Variants in ST8SIA6 observed in about 807,000 individuals in gnomAD.
ST8SIA6 encodes ST8 alpha-N-acetyl-neuraminide alpha-2,8-sialyltransferase 6, also known as alpha-2,8-sialyltransferase 8F.
ST8SIA6 carries 39 observed loss-of-function variants against 33.6 expected under a neutral mutation model. The ratio of observed to expected loss-of-function variants is 1.16; its 90% CI spans 0.90 to 1.52. ST8SIA6 has a LOEUF of 1.52. ST8SIA6 is among the 40% of genes most tolerant of loss of function. The probability of loss-of-function intolerance (pLI) is 0.00; values close to 1 mark genes in which losing one functional copy is unlikely to be tolerated. For missense variants in ST8SIA6, 441 were observed against 443.8 expected, an observed-to-expected ratio of 0.99 and a Z score of 0.06; for synonymous variants, 172 against 167.2, an observed-to-expected ratio of 1.03 and a Z score of -0.22.
chr10:17,363,290 A>ATGTGTG (rs79432164), intron 3 of ST8SIA6, among the ~76,000 whole-genome samples: 327 of 150,886 alleles, frequency 2.2e-3, no homozygotes, highest in Non-Finnish European at 3.6e-3. Flanking sequence ...AGGCATGCAT[A>ATGTGTG]TGTGTGTGTG....
chr10:17,410,106 A>G (rs527943035), intron 2 of ST8SIA6: 5 of 152,232 alleles, frequency 3.3e-5, no homozygotes, highest in Admixed American at 6.5e-5. Flanking sequence ...TTAACATTCA[A>G]AACTGGAGAG....
chr10:17,453,586 G>T lies in ST8SIA6; in HGVS notation c.173C>A (p.Ala58Glu), dbSNP rs779451125. The change falls in exon 2 of 8, where the codon GCG (alanine) becomes GAG (glutamate). Residue 58 changes from alanine (A) to glutamate (E), a missense_variant. Transcript: ENST00000377602. ...PAALRTLRSPATAVPRATNST... is the reference protein window; with the variant it reads ...PAALRTLRSPETAVPRATNST... ...GTTAGTGGCGCGCGGTACCGCGGTC[G>T]CCGGGCTCCGGAGCGTCCTCAGCGC... The T allele has an allele frequency of 9.0e-6, 12 of 1,327,230 alleles. No homozygotes were observed. The East Asian group carries it at 3.4e-4, about 38-fold the overall frequency. 82.2% of individuals were successfully genotyped at this position (1,327,230 alleles called of 1,614,324 possible).
chr10:17,366,068 C>T (rs776809209), intron 3 of ST8SIA6, among the ~76,000 whole-genome samples: 9 of 152,068 alleles, frequency 5.9e-5, no homozygotes, highest in Non-Finnish European at 1.2e-4. Context: ...CTGGGTAATA[C>T]TCTTTAAAGG....
intron 2 of ST8SIA6, among the ~76,000 whole-genome samples, chr10:17,414,359 A>G (rs1364921139): frequency 2.0e-5 from 3 of 152,096 alleles, no homozygotes; most frequent in Admixed American, 6.6e-5. Context: ...CCAACCTCCC[A>G]TATCCCCACC....
intron 3 of ST8SIA6, among the ~76,000 whole-genome samples, chr10:17,364,527 C>T (rs555367329): frequency 2.4e-4 from 37 of 152,288 alleles, no homozygotes; most frequent in Admixed American, 2.4e-3. Flanking sequence ...GCCTTATCCT[C>T]TGACGTTATA....
intron 2 of ST8SIA6, among the ~76,000 whole-genome samples, chr10:17,399,997 T>C (rs751039649): frequency 6.6e-6 from 1 of 151,656 alleles, no homozygotes; most frequent in African/African-American, 2.4e-5. Flanking sequence ...ATTTTACTCA[T>C]AATGAGGGAA....
chr10:17,325,771 A>G (rs1848112495), intron 6 of ST8SIA6, among the ~76,000 whole-genome samples: 1 of 152,194 alleles, frequency 6.6e-6, no homozygotes, highest in South Asian at 2.1e-4. Flanking sequence ...ATATTCGGGA[A>G]AATACCTCTC....
chr10:17,370,336 T>C (rs1219180187), intron 3 of ST8SIA6, among the ~76,000 whole-genome samples: 2 of 152,204 alleles, frequency 1.3e-5, no homozygotes, highest in African/African-American at 4.8e-5. Flanking sequence ...TTTAATGTTG[T>C]TATTTATATA....
At chr10:17,326,991 G>C in intron 6 of ST8SIA6, 23 bp downstream of exon 6, 1 of 1,538,586 alleles carries the variant, frequency 6.5e-7, no homozygotes, top group Non-Finnish European at 8.9e-7. Context: ...TTGTTTCAAA[G>C]AAACCAATTT....
intron 2 of ST8SIA6, among the ~76,000 whole-genome samples, chr10:17,399,917 CAAAAAA>C (rs61580333): frequency 9.0e-6 from 1 of 111,082 alleles, no homozygotes; most frequent in Non-Finnish European, 2.0e-5. Flanking sequence ...GATTCTGTCT[CAAAAAA>C]AAAAAAAAAA....
At position 17,325,284 on chromosome 10, in the gene ST8SIA6, T is replaced by C. The variant is rs1294350606; in HGVS notation, c.635+1730A>G. Among the ~76,000 whole-genome samples, 26 of 145,344 alleles carry C rather than the reference T, an allele frequency of 1.8e-4. No individual in the cohort carries two copies. The Admixed American group carries it at 1.8e-3, about 10-fold the overall frequency. On this transcript the variant is annotated intron_variant, in intron 6 of 7. Transcript: ENST00000377602. ...ATATACTATACAATGTACAATATATTACATACTATCTATAACACAGTATTA... is the reference window on the plus strand; with the variant it reads ...ATATACTATACAATGTACAATATATCACATACTATCTATAACACAGTATTA...
chr10:17,348,749 C>G (rs1256785533), intron 4 of ST8SIA6, among the ~76,000 whole-genome samples: 1 of 152,164 alleles, frequency 6.6e-6, no homozygotes, highest in Non-Finnish European at 1.5e-5. Flanking sequence ...TTTGCCTGGC[C>G]TCTGGGAACT....
rs559873381 is a variant in ST8SIA6, at chr10:17,451,307, C to T, written c.200+2252G>A. 5.3e-5 allele frequency among the ~76,000 whole-genome samples: 8 copies of T among 152,276 alleles called. No homozygotes were observed. The South Asian group carries it at 1.5e-3, about 28-fold the overall frequency. ...AAGGGAACTGGAGGCCATTCTCTTACATGAAATAACTCAGAAAGTCAAATA... is the reference window on the plus strand; with the variant it reads ...AAGGGAACTGGAGGCCATTCTCTTATATGAAATAACTCAGAAAGTCAAATA... On this transcript the variant is annotated intron_variant, in intron 2 of 7. Transcript: ENST00000377602.
chr10:17,357,738 C>G (rs770614785), intron 4 of ST8SIA6, among the ~76,000 whole-genome samples: 1 of 152,132 alleles, frequency 6.6e-6, no homozygotes, highest in South Asian at 2.1e-4. Flanking sequence ...TCTCAAGAGG[C>G]TTGGTCTGAA....
intron 2 of ST8SIA6, among the ~76,000 whole-genome samples, chr10:17,428,799 T>A (rs137946354): frequency 7.2e-5 from 11 of 152,276 alleles, no homozygotes; most frequent in African/African-American, 2.6e-4. Context: ...GAAGGCATGG[T>A]CAAATTCGAG....
intron 2 of ST8SIA6, among the ~76,000 whole-genome samples, chr10:17,433,208 A>G (rs75067770): frequency 4.6e-5 from 7 of 152,294 alleles, no homozygotes; most frequent in Middle Eastern, 6.8e-3. Flanking sequence ...AATAACCTGT[A>G]CCTTTCCTCA....
intron 4 of ST8SIA6, among the ~76,000 whole-genome samples, chr10:17,337,021 G>A (rs1031815974): frequency 6.6e-6 from 1 of 152,110 alleles, no homozygotes; most frequent in Non-Finnish European, 1.5e-5. Flanking sequence ...TTGTAATCCC[G>A]TGTTGGAGGA....
rs151071448 is a variant in ST8SIA6 at position 17,376,395 on chromosome 10, G to A, written c.290+14136C>T. ...ACTTCCGAGAGCTTTTATTAGAGCAGTGTGTCTACTCTAACCAAATGGTAG... is the reference window on the plus strand; with the variant it reads ...ACTTCCGAGAGCTTTTATTAGAGCAATGTGTCTACTCTAACCAAATGGTAG... On this transcript the variant is annotated intron_variant, in intron 3 of 7. Coordinates refer to ENST00000377602, the MANE Select transcript of ST8SIA6 (RefSeq NM_001004470.3). Among the ~76,000 whole-genome samples, 113 of 152,202 alleles carry A rather than the reference G, an allele frequency of 7.4e-4. No individual in the cohort carries two copies. In the East Asian group the frequency reaches 0.021, roughly 28 times the overall value.
chr10:17,327,440 A>T (rs1279895073), intron 5 of ST8SIA6, among the ~76,000 whole-genome samples: 1 of 152,092 alleles, frequency 6.6e-6, no homozygotes, highest in African/African-American at 2.4e-5. Flanking sequence ...CAAAAAAATT[A>T]GCTGGGCGTG....
Sources: gnomAD v4.1 joint callset for allele counts (sites outside exome capture counted in the v4.1 genomes callset) on GRCh38, gnomAD v4.1.1 for gene constraint, MANE v1.5 for transcripts, NCBI Gene and HGNC (gene_info 2026-07-23, HGNC 2026-07-21) for gene names.